Variants in IFT122 observed in about 807,000 individuals in gnomAD.
IFT122 encodes intraflagellar transport 122.
Under a neutral mutation model 161.6 loss-of-function variants are expected in IFT122, and 118 were observed. The observed-to-expected ratio is 0.73, with a 90% confidence interval of 0.63 to 0.85. The LOEUF is 0.85. Among genes scored for constraint, IFT122 ranks in the 40% least tolerant of loss-of-function variants. The pLI is 0.00. For missense variants in IFT122, 1,381 were observed against 1,579.6 expected (o/e 0.87, Z 2.13); for synonymous variants, 550 against 602.4 (o/e 0.91, Z 1.27).
intron 9 of IFT122, among the ~76,000 whole-genome samples, chr3:129,470,696 G>A (rs1431748754): frequency 6.6e-6 from 1 of 151,890 alleles, no homozygotes; most frequent in Non-Finnish European, 1.5e-5. Context: ...TCAGCCTCCT[G>A]GGTAGCTGGG....
At chr3:129,500,893 G>C (rs2081452147) in intron 19 of IFT122, among the ~76,000 whole-genome samples, 1 of 152,208 alleles carries the variant, frequency 6.6e-6, no homozygotes, top group Non-Finnish European at 1.5e-5. Context: ...AGGTAGAATG[G>C]AGACCAGATA....
chr3:129,491,809 G>A (rs917196020), intron 16 of IFT122, among the ~76,000 whole-genome samples: 1 of 152,154 alleles, frequency 6.6e-6, no homozygotes, highest in African/African-American at 2.4e-5. Flanking sequence ...CCCCCCAGAG[G>A]GTCAGACCGG....
chr3:129,500,177 T>C (rs1282134164), intron 19 of IFT122, 109 bp downstream of exon 19: 2 of 1,302,266 alleles, frequency 1.5e-6, no homozygotes, highest in Non-Finnish European at 2.2e-6. Flanking sequence ...AAAGCTAATG[T>C]GATAGTGGCT....
At chr3:129,512,046 T>C (rs1288570394) in intron 23 of IFT122, among the ~76,000 whole-genome samples, 3 of 152,238 alleles carry the variant, frequency 2.0e-5, no homozygotes, top group African/African-American at 7.2e-5. Context: ...AGCTCTGTTC[T>C]AGTTGGTGAC....
At chr3:129,487,344 C>A (rs2079407011) in intron 15 of IFT122, among the ~76,000 whole-genome samples, 1 of 152,038 alleles carries the variant, frequency 6.6e-6, no homozygotes, top group Non-Finnish European at 1.5e-5. Context: ...ACCTGGAGTC[C>A]AGTCACCTCT....
At chr3:129,482,167 C>T (rs2078738144) in intron 14 of IFT122, among the ~76,000 whole-genome samples, 1 of 152,230 alleles carries the variant, frequency 6.6e-6, no homozygotes, top group South Asian at 2.1e-4. Flanking sequence ...ATGGGCAAGC[C>T]TGGCCTTCTA....
intron 4 of IFT122, chr3:129,459,542 C>T (rs186564100): frequency 2.6e-5 from 6 of 232,296 alleles, no homozygotes; most frequent in African/African-American, 4.8e-5. Context: ...TTTTTTTTCT[C>T]ACTCTTGTGT....
At chr3:129,441,960 C>G (rs1320386500) in intron 1 of IFT122, among the ~76,000 whole-genome samples, 1 of 152,214 alleles carries the variant, frequency 6.6e-6, no homozygotes, top group East Asian at 1.9e-4. Flanking sequence ...AAAGGGGCAG[C>G]TGCTGCTCAG....
rs1042991423 is a variant in IFT122, at chr3:129,464,627, G to C, written c.417-8G>C. The C allele has an allele frequency of 6.2e-7, 1 of 1,612,560 alleles. No homozygotes were observed. The highest frequency in any genetic ancestry group is 8.5e-7 in the Non-Finnish European group (1 of 1,179,168). On this transcript the variant is annotated splice_polypyrimidine_tract_variant and splice_region_variant and intron_variant, in intron 6 of 29. Coordinates refer to ENST00000348417, the MANE Select transcript of IFT122 (RefSeq NM_052989.3). ...TATCCCCATGCCTTTTGTTGGTTGT[G>C]TACACAGCTGGACAAATGATGGTCA...
chr3:129,504,636 A>G (rs1284098149), intron 21 of IFT122, among the ~76,000 whole-genome samples: 1 of 152,250 alleles, frequency 6.6e-6, no homozygotes, highest in African/African-American at 2.4e-5. Flanking sequence ...CACTTGCCAC[A>G]GGCCCTTAAG....
At chr3:129,514,723 C>T (rs2083267298) in intron 25 of IFT122, 169 bp downstream of exon 25, 7 of 788,740 alleles carry the variant, frequency 8.9e-6, no homozygotes, top group East Asian at 5.3e-5. Flanking sequence ...CTTCCCTGTC[C>T]ACCTCCTGTT....
At chr3:129,479,252 C>A in intron 12 of IFT122, among the ~76,000 whole-genome samples, 1 of 128,086 alleles carries the variant, frequency 7.8e-6, no homozygotes, top group South Asian at 2.5e-4. Context: ...ACCCCATCTC[C>A]ACCAAAAAAA....
intron 9 of IFT122, among the ~76,000 whole-genome samples, chr3:129,475,674 C>T (rs1289602537): frequency 6.6e-6 from 1 of 151,772 alleles, no homozygotes; most frequent in African/African-American, 2.4e-5. Context: ...TTTTGCCAGG[C>T]ATGGTGGCAC....
Position 129,479,860 on chromosome 3 carries a change from A to G in IFT122, c.1426A>G (p.Ile476Val). Residue 476 changes from isoleucine to valine, a missense_variant, in exon 13 of 30, where the codon ATC becomes GTC. Physicochemically the swap from Ile to Val is conservative, Grantham distance 29 (BLOSUM62 3). Around this residue, in one of 7 missense-constraint regions of IFT122, gnomAD observed 544 missense variants for 648.0 expected, o/e 0.84. Coordinates refer to ENST00000348417, the MANE Select transcript of IFT122 (RefSeq NM_052989.3). Reference sequence around the variant, plus strand: ...GCAGATGGAGTCTCTCATTCGTTACATCAAGGTGATCGGTGGCCCTCCTGG... The same window carrying G: ...GCAGATGGAGTCTCTCATTCGTTACGTCAAGGTGATCGGTGGCCCTCCTGG... ...EWQMESLIRY[I>V]KVIGGPPGRE... 1.2e-6 allele frequency: 2 copies of G among 1,614,036 alleles called. No individual in the cohort carries two copies. The highest frequency in any genetic ancestry group is 1.1e-5 in the South Asian group (1 of 91,078).
intron 24 of IFT122, chr3:129,513,811 T>G: frequency 4.8e-6 from 1 of 208,394 alleles, no homozygotes; most frequent in Non-Finnish European, 9.8e-6. Flanking sequence ...GCAGCCAACA[T>G]CGGAGGTGAC....
At chr3:129,504,272 G>T in intron 20 of IFT122, 47 bp from the exon 21 acceptor site, 1 of 1,453,098 alleles carries the variant, frequency 6.9e-7, no homozygotes, top group South Asian at 1.1e-5. Flanking sequence ...TTTTCATGGG[G>T]GCTGCAGGGG....
intron 3 of IFT122, chr3:129,456,207 A>G: frequency 7.8e-7 from 1 of 1,282,168 alleles, no homozygotes; most frequent in Non-Finnish European, 1.0e-6. Context: ...CCCAAAGCTT[A>G]TGCTTTTCAT....
intron 16 of IFT122, among the ~76,000 whole-genome samples, chr3:129,491,704 A>C (rs1172067345): frequency 6.6e-6 from 1 of 152,034 alleles, no homozygotes; most frequent in African/African-American, 2.4e-5. Context: ...GGGTAGGCAT[A>C]GCTGTCCCCT....
intron 7 of IFT122, among the ~76,000 whole-genome samples, chr3:129,466,495 CTT>C (rs527470540): frequency 0.036 from 3,630 of 101,324 alleles, 48 homozygotes; most frequent in African/African-American, 0.13. Flanking sequence ...TATTTTTATT[CTT>C]TTTTTTTTTT....
Sources: gnomAD v4.1 joint callset for allele counts (sites outside exome capture counted in the v4.1 genomes callset) on GRCh38, gnomAD v4.1.1 for gene constraint, gnomAD v4.1.1 regional missense constraint, MANE v1.5 for transcripts, NCBI Gene and HGNC (gene_info 2026-07-23, HGNC 2026-07-21) for gene names.